Variants in RAB19 observed in about 807,000 individuals in gnomAD.
The protein encoded by RAB19 is ras-related protein Rab-19.
RAB19 carries 21 observed loss-of-function variants against 17.3 expected under a neutral mutation model. The observed-to-expected ratio is 1.21, with a 90% CI of 0.86 to 1.74. The LOEUF (loss-of-function observed/expected upper bound fraction) is 1.74. Ranked by LOEUF, RAB19 falls within the 40% of genes most tolerant of loss-of-function variation. RAB19 has a pLI of 0.00. For synonymous variants in RAB19, 126 were observed against 110.4 expected, an observed-to-expected ratio of 1.14 and a Z score of -0.88; for missense variants, 277 against 286.8, an observed-to-expected ratio of 0.97 and a Z score of 0.25.
In RAB19 at chr7:140,425,950, T is replaced by C. The variant is rs2948386; in HGVS notation, c.454T>C (p.Tyr152His). 0.25 allele frequency: 401,130 copies of C among 1,613,950 alleles called. 53,875 individuals carry two copies. Among genetic ancestry groups the C allele is most frequent in the South Asian group, 0.31 (28,213 of 91,076 alleles). The change falls in exon 4 of 4, where the codon TAC (tyrosine) becomes CAC (histidine). Residue 152 changes from tyrosine to histidine, a missense_variant. Tyr to His is a moderately conservative substitution (Grantham distance 83). Coordinates refer to ENST00000537763, the MANE Select transcript of RAB19 (RefSeq NM_001008749.3). ...FEDACTLAEK[Y>H]GLLAVLETSA... ...GGATGCCTGCACACTGGCTGAGAAG[T>C]ACGGCCTCCTGGCCGTTTTGGAGAC...
rs751811948 is a variant in RAB19, at chr7:140,425,922, C to T, written c.426C>T (p.Phe142=). The T allele has an allele frequency of 9.9e-5, 159 of 1,614,004 alleles. No homozygotes were observed. The highest frequency in any genetic ancestry group is 1.3e-4 in the Non-Finnish European group (157 of 1,180,014). ...TCTGGGAAAAGCGGCACGTCCTGTTCGAGGATGCCTGCACACTGGCTGAGA... is the reference window on the plus strand; with the variant it reads ...TCTGGGAAAAGCGGCACGTCCTGTTTGAGGATGCCTGCACACTGGCTGAGA... ...CDLWEKRHVL[F]EDACTLAEKY... is the part of the protein sequence containing the mutation. Residue 142 remains phenylalanine, a synonymous_variant, in exon 4 of 4, where the codon TTC becomes TTT. Coordinates refer to ENST00000537763, the MANE Select transcript of RAB19 (RefSeq NM_001008749.3).
At chr7:140,424,665 A>G (rs558313933) in intron 3 of RAB19, among the ~76,000 whole-genome samples, 699 of 54,638 alleles carry the variant, frequency 0.013, 2 homozygotes, top group East Asian at 0.029. Flanking sequence ...ATGTGTGTGT[A>G]TATATATATA....
At chr7:140,411,243 C>CA (rs1799355233) in intron 2 of RAB19, among the ~76,000 whole-genome samples, 2 of 152,008 alleles carry the variant, frequency 1.3e-5, no homozygotes, top group African/African-American at 4.8e-5. Flanking sequence ...ACTAAAAATA[C>CA]AAAAAAATTA....
At chr7:140,419,464 C>T (rs913339185) in intron 3 of RAB19, among the ~76,000 whole-genome samples, 1 of 152,142 alleles carries the variant, frequency 6.6e-6, no homozygotes, top group Non-Finnish European at 1.5e-5. Flanking sequence ...TTTCATCCAT[C>T]GTTGCATGTG....
rs1198729969 is a variant in RAB19, at chr7:140,424,682, T to TATATATAC, written c.386-1199_386-1198insTATATACA. On this transcript the variant is annotated intron_variant, in intron 3 of 3. Coordinates refer to ENST00000537763, the MANE Select transcript of RAB19 (RefSeq NM_001008749.3). ...GTGTGTGTATATATATATATATATA[T>TATATATAC]ACACATATCTATATATACATATATA... Among the ~76,000 whole-genome samples the TATATATAC allele has an allele frequency of 6.1e-4, 56 of 91,996 alleles. 1 individual carries two copies. Among genetic ancestry groups the TATATATAC allele is most frequent in the South Asian group, 3.1e-3 (9 of 2,864 alleles). 60.4% of individuals were successfully genotyped at this position (91,996 alleles called of 152,430 possible). A position where few individuals can be genotyped will look rare whatever the true frequency, so the allele number is the denominator to read the frequency against.
intron 2 of RAB19, chr7:140,411,205 C>G: frequency 7.6e-6 from 8 of 1,053,920 alleles, no homozygotes; most frequent in Non-Finnish European, 1.0e-5. Context: ...CGAGACCATC[C>G]TGGCTAACAC....
chr7:140,407,973 T>C, intron 2 of RAB19, 126 bp downstream of exon 2: 1 of 767,386 alleles, frequency 1.3e-6, no homozygotes, highest in Non-Finnish European at 2.0e-6. Context: ...CATGCCATTC[T>C]CCTGCCTCAG....
intron 2 of RAB19, among the ~76,000 whole-genome samples, chr7:140,409,979 C>A (rs1438326549): frequency 6.9e-5 from 8 of 115,662 alleles, no homozygotes; most frequent in Non-Finnish European, 1.2e-4. Context: ...GGCAACAGAG[C>A]GAGACTCCGT....
intron 3 of RAB19, among the ~76,000 whole-genome samples, chr7:140,419,217 G>A (rs1585428575): frequency 6.6e-6 from 1 of 151,778 alleles, no homozygotes; most frequent in Non-Finnish European, 1.5e-5. Flanking sequence ...TTACAGGCAT[G>A]TGCCACCACG....
Position 140,409,949 on chromosome 7 carries a change from T to C in RAB19, c.202-1925T>C, listed in dbSNP as rs532860716. 1.3e-3 allele frequency among the ~76,000 whole-genome samples: 155 copies of C among 118,088 alleles called. 1 individual carries two copies. The highest frequency in any genetic ancestry group is 4.8e-3 in the African/African-American group (142 of 29,364). 77.5% of individuals were successfully genotyped at this position (118,088 alleles called of 152,430 possible). A position where few individuals can be genotyped will look rare whatever the true frequency, so the allele number is the denominator to read the frequency against. On this transcript the variant is annotated intron_variant, in intron 2 of 3. Coordinates refer to ENST00000537763, the MANE Select transcript of RAB19 (RefSeq NM_001008749.3). ...CGGAGCTTGCACTGAGCCGAGATCA[T>C]ACCACTGCACTCCAGCCTGGGCAAC...
chr7:140,427,609 G>A lies in RAB19; in HGVS notation c.*1459G>A, dbSNP rs149103971. ...TGGGATTACAGCCTCCCGCCACCACGCCTAGCTAATTTTTGTGTTTTTAGT... is the reference window on the plus strand; with the variant it reads ...TGGGATTACAGCCTCCCGCCACCACACCTAGCTAATTTTTGTGTTTTTAGT... On this transcript the variant is annotated 3_prime_UTR_variant, in exon 4 of 4. Coordinates refer to ENST00000537763, the MANE Select transcript of RAB19 (RefSeq NM_001008749.3). Among the ~76,000 whole-genome samples the A allele has an allele frequency of 9.2e-3, 1,371 of 149,806 alleles. 22 individuals carry two copies. Among genetic ancestry groups the A allele is most frequent in the African/African-American group, 0.032 (1,303 of 40,556 alleles).
At chr7:140,405,059 G>C (rs944905641) in intron 1 of RAB19, among the ~76,000 whole-genome samples, 1 of 152,176 alleles carries the variant, frequency 6.6e-6, no homozygotes, top group Non-Finnish European at 1.5e-5. Flanking sequence ...ATTTAAGCCA[G>C]GGATGCTGAT....
chr7:140,408,185 A>C (rs955715252), intron 2 of RAB19, among the ~76,000 whole-genome samples: 1 of 151,558 alleles, frequency 6.6e-6, no homozygotes, highest in Non-Finnish European at 1.5e-5. Context: ...GCGCCTGGCC[A>C]GTTCCACCTT....
chr7:140,412,727 T>A (rs2130115218), intron 3 of RAB19, among the ~76,000 whole-genome samples: 1 of 151,396 alleles, frequency 6.6e-6, no homozygotes, highest in African/African-American at 2.4e-5. Flanking sequence ...TGTTTTTTAA[T>A]TTTTTATGGG....
rs746728109 is a variant in RAB19, at chr7:140,407,646, C to T, written c.-1C>T. On this transcript the variant is annotated 5_prime_UTR_variant, in exon 2 of 4. Transcript: ENST00000537763. ...TAGTTCTGTTCTAGGTGGCAAGAAC[C>T]ATGCACTTCTCCAGCTCAGCCAGGG... 1.2e-6 allele frequency: 2 copies of T among 1,614,002 alleles called. No individual in the cohort carries two copies. Among genetic ancestry groups the T allele is most frequent in the Admixed American group, 3.3e-5 (2 of 60,000 alleles).
At chr7:140,409,220 C>T (rs1047064218) in intron 2 of RAB19, among the ~76,000 whole-genome samples, 1 of 149,938 alleles carries the variant, frequency 6.7e-6, no homozygotes, top group African/African-American at 2.5e-5. Flanking sequence ...AAAAATTATC[C>T]AGGCATGGTG....
In RAB19 at chr7:140,416,351, C is replaced by CA. The variant is rs5887977; in HGVS notation, c.385+4303dup. On this transcript the variant is annotated intron_variant, in intron 3 of 3. Transcript: ENST00000537763. ...CTAAAAAATCAATCAATCAATCAAACAAAAAAAAACTTCAAATAGCTAGTT... is the reference window on the plus strand; with the variant it reads ...CTAAAAAATCAATCAATCAATCAAACAAAAAAAAAACTTCAAATAGCTAGTT... Among the ~76,000 whole-genome samples, 99 of 151,194 alleles carry CA rather than the reference C, an allele frequency of 6.5e-4. 1 individual carries two copies. The highest frequency in any genetic ancestry group is 2.2e-3 in the African/African-American group (90 of 41,296).
chr7:140,420,289 T>C (rs1479898139), intron 3 of RAB19, among the ~76,000 whole-genome samples: 1 of 151,758 alleles, frequency 6.6e-6, no homozygotes, highest in Non-Finnish European at 1.5e-5. Flanking sequence ...GGCGTGGTGG[T>C]GGGCGCCTGT....
chr7:140,416,951 T>C (rs751731990), intron 3 of RAB19, among the ~76,000 whole-genome samples: 7 of 151,326 alleles, frequency 4.6e-5, no homozygotes, highest in Middle Eastern at 3.4e-3. Context: ...TTAAGCCGGG[T>C]GCGGTGACTC....
Sources: allele counts gnomAD v4.1 joint callset (sites outside exome capture counted in the v4.1 genomes callset), GRCh38; gene constraint gnomAD v4.1.1; transcripts MANE v1.5; gene names NCBI Gene and HGNC (gene_info 2026-07-23, HGNC 2026-07-21).